The following THBS1 variants were observed in gnomAD, a reference collection of about 807,000 sequenced individuals.
THBS1 encodes the protein thrombospondin-1.
A neutral mutation model predicts 126.1 loss-of-function variants in THBS1; 29 were observed. That is an observed-to-expected ratio of 0.23 (90% CI 0.17 to 0.31). The LOEUF (loss-of-function observed/expected upper bound fraction) is 0.31. THBS1 is among the 10% of genes least tolerant of loss of function. The probability of loss-of-function intolerance (pLI) is 1.00; values close to 1 mark genes in which losing one functional copy is unlikely to be tolerated. For missense variants in THBS1, 1,198 were observed against 1,545.2 expected, an observed-to-expected ratio of 0.78 and a Z score of 3.77; for synonymous variants, 496 against 577.8, an observed-to-expected ratio of 0.86 and a Z score of 2.03.
At chr15:39,590,911 A>G (rs973341840) in intron 14 of THBS1, 3 of 536,382 alleles carry the variant, frequency 5.6e-6, no homozygotes, top group Non-Finnish European at 9.8e-6. Context: ...CAAATGTCAC[A>G]TCGAAATTAC....
chr15:39,585,715 A>C, intron 7 of THBS1, 152 bp downstream of exon 7: 1 of 748,216 alleles, frequency 1.3e-6, no homozygotes, highest in Non-Finnish European at 2.2e-6. Context: ...CTGACAGCTT[A>C]TCTGCTGTAC....
At chr15:39,582,135 C>T in intron 2 of THBS1, 58 bp from the exon 3 acceptor site, 3 of 1,525,304 alleles carry the variant, frequency 2.0e-6, no homozygotes, top group Non-Finnish European at 2.7e-6. Context: ...AAGGACTCAG[C>T]CCCCTACTGC....
At position 39,590,065 on chromosome 15, in the gene THBS1, T is replaced by A. The variant is rs1412636156; in HGVS notation, c.2145+42T>A. 3 of 1,478,538 alleles carry A rather than the reference T, an allele frequency of 2.0e-6. No homozygotes were observed. In the African/African-American group the frequency reaches 4.2e-5, roughly 21 times the overall value. The allele number at this position is 1,478,538 out of a possible 1,614,324, so 91.6% of individuals were successfully genotyped here. The stretch of plus-strand genomic sequence containing the variant: ...TGTGTGCCTCCAGAAAGAGGGCCCA[T>A]CACCTTATCAAAACACAGGCTAAGG... On this transcript the variant is annotated intron_variant, in intron 13 of 21. Coordinates refer to ENST00000260356, the MANE Select transcript of THBS1 (RefSeq NM_003246.4).
At chr15:39,585,294 G>A (rs1176125644) in intron 6 of THBS1, among the ~76,000 whole-genome samples, 176 bp from the exon 7 acceptor site, 1 of 152,184 alleles carries the variant, frequency 6.6e-6, no homozygotes, top group African/African-American at 2.4e-5. Flanking sequence ...CACTAGAACT[G>A]TCTCTACGAT....
chr15:39,593,895 A>T lies in THBS1; in HGVS notation c.3268-204A>T. The T allele has an allele frequency of 5.6e-6, 5 of 886,556 alleles. No homozygotes were observed. Among genetic ancestry groups the T allele is most frequent in the South Asian group, 3.7e-5 (2 of 54,388 alleles). 54.9% of individuals were successfully genotyped at this position (886,556 alleles called of 1,614,324 possible). A position where few individuals can be genotyped will look rare whatever the true frequency, so the allele number is the denominator to read the frequency against. On this transcript the variant is annotated intron_variant, in intron 19 of 21. Coordinates refer to ENST00000260356, the MANE Select transcript of THBS1 (RefSeq NM_003246.4). The surrounding 1 kb of genome is among the most constrained non-coding windows in gnomAD (Gnocchi z 5.9). Reference sequence around the variant, plus strand: ...GTGCCTTCAGCCTTTTCAAACAAAAAAACCTCCTTCCCTCCTCTCTGTCTG... The same window carrying T: ...GTGCCTTCAGCCTTTTCAAACAAAATAACCTCCTTCCCTCCTCTCTGTCTG...
Position 39,588,709 on chromosome 15 carries a change from G to C in THBS1, c.1645+10G>C. ...CAGGACTGTCCAATTGGTGAGCCAC[G>C]CAGCCCAGGATGAAACGACCCAGGA... is the stretch of plus-strand genomic sequence containing the variant. On this transcript the variant is annotated intron_variant, in intron 10 of 21. Transcript: ENST00000260356. 1 of 1,562,512 alleles carries C rather than the reference G, an allele frequency of 6.4e-7. No individual in the cohort carries two copies. The highest frequency in any genetic ancestry group is 1.2e-5 in the South Asian group (1 of 81,466).
rs1411250666 is a variant in THBS1 at position 39,593,025 on chromosome 15, A to G, written c.2793A>G (p.Lys931=). 1 of 1,613,190 alleles carries G rather than the reference A, an allele frequency of 6.2e-7. No individual in the cohort carries two copies. The highest frequency in any genetic ancestry group is 2.2e-5 in the East Asian group (1 of 44,884). Residue 931 remains lysine (K), a synonymous_variant, in exon 18 of 22, where the codon AAA becomes AAG. Transcript: ENST00000260356. This position sits in a 1 kb window ranked among gnomAD's most constrained non-coding sequence, Gnocchi z 5.9. ...GCGATGGTCGAGGTGATGCCTGCAA[A>G]GATGATTTTGACCATGACAGTGTGC... ...SDGDGRGDAC[K]DDFDHDSVPD... is the part of the protein sequence containing the mutation.
chr15:39,590,367 T>G, intron 13 of THBS1, 149 bp from the exon 14 acceptor site: 4 of 644,914 alleles, frequency 6.2e-6, no homozygotes, highest in Non-Finnish European at 7.9e-6. Context: ...AGAAAAGTTT[T>G]ATTTTCTTGT....
chr15:39,588,967 C>T lies in THBS1; in HGVS notation c.1654C>T (p.Leu552=), dbSNP rs1254972085. 7.6e-5 allele frequency: 122 copies of T among 1,614,050 alleles called. No homozygotes were observed. The highest frequency in any genetic ancestry group is 1.0e-4 in the Non-Finnish European group (120 of 1,180,038). The change falls in exon 11 of 22, where the codon CTG becomes TTG. Residue 552 remains leucine, a synonymous_variant. Transcript: ENST00000260356. The part of the protein sequence containing the change: ...NKQDCPIDGC[L]SNPCFAGVKC... The stretch of plus-strand genomic sequence containing the variant: ...CTCTCTCCTTGTCTCAGATGGATGC[C>T]TGTCCAATCCCTGCTTTGCCGGCGT...
intron 10 of THBS1, 22 bp downstream of exon 10, chr15:39,588,721 G>A: frequency 6.4e-7 from 1 of 1,554,642 alleles, no homozygotes; most frequent in Middle Eastern, 2.0e-4. Context: ...AGCCCAGGAT[G>A]AAACGACCCA....
rs1422586909 is a variant in THBS1 at position 39,589,671 on chromosome 15, G to A, written c.1927-134G>A. 1 of 1,001,038 alleles carries A rather than the reference G, an allele frequency of 1.0e-6. No individual in the cohort carries two copies. The highest frequency in any genetic ancestry group is 1.4e-6 in the Non-Finnish European group (1 of 706,434). 62.0% of individuals were successfully genotyped at this position (1,001,038 alleles called of 1,614,324 possible). The stretch of plus-strand genomic sequence containing the variant: ...CTTATAGCCTCAGGGAGAATGGGGA[G>A]GGACAGAGGTAACCCACACTCTTCC... On this transcript the variant is annotated intron_variant, in intron 12 of 21. Transcript: ENST00000260356. The surrounding 1 kb of genome is among the most constrained non-coding windows in gnomAD (Gnocchi z 4.7).
Position 39,596,117 on chromosome 15 carries a change from A to G in THBS1, c.*748A>G, listed in dbSNP as rs1890437467. On this transcript the variant is annotated 3_prime_UTR_variant, in exon 22 of 22. Transcript: ENST00000260356. ...CCAGTGTAAGGCAGTGCTGGCTGCC[A>G]TTGCCTGGTCACATTGAAATTGGTG... 6.6e-6 allele frequency: 2 copies of G among 304,032 alleles called. No individual in the cohort carries two copies. The highest frequency in any genetic ancestry group is 1.3e-5 in the Non-Finnish European group (2 of 153,630). The allele number at this position is 304,032 out of a possible 1,614,324, so 18.8% of individuals were successfully genotyped here.
At chr15:39,588,774 G>C in intron 10 of THBS1, 75 bp downstream of exon 10, 1 of 1,555,782 alleles carries the variant, frequency 6.4e-7, no homozygotes, top group Non-Finnish European at 8.7e-7. Context: ...AGCATTCGAG[G>C]AGATTCCAGC....
Position 39,591,226 on chromosome 15 carries a change from T to C in THBS1, c.2289T>C (p.Tyr763=), listed in dbSNP as rs771076290. 3.5e-5 allele frequency: 57 copies of C among 1,614,104 alleles called. No homozygotes were observed. In the Admixed American group the frequency reaches 9.2e-4, roughly 26 times the overall value. Residue 763 remains tyrosine, a synonymous_variant, in exon 15 of 22, where the codon TAT becomes TAC. Coordinates refer to ENST00000260356, the MANE Select transcript of THBS1 (RefSeq NM_003246.4). ...NCPFHYNPAQ[Y]DYDRDDVGDR... Reference sequence around the variant, plus strand: ...CATTCCATTACAACCCAGCTCAGTATGACTATGACAGAGATGATGTGGGAG... The same window carrying C: ...CATTCCATTACAACCCAGCTCAGTACGACTATGACAGAGATGATGTGGGAG...
chr15:39,586,646 G>C (rs965639169), intron 7 of THBS1: 1 of 152,224 alleles, frequency 6.6e-6, no homozygotes, highest in Non-Finnish European at 1.5e-5. Flanking sequence ...CAGCTCGGCT[G>C]CCTTCACACT....
Position 39,589,729 on chromosome 15 carries a change from G to A in THBS1, c.1927-76G>A. ...GCCTCTGTCTACTCAGAGATGACAG[G>A]GATCTGGATTCTTGTTTCCATGATA... On this transcript the variant is annotated intron_variant, in intron 12 of 21. Coordinates refer to ENST00000260356, the MANE Select transcript of THBS1 (RefSeq NM_003246.4). The surrounding 1 kb of genome is among the most constrained non-coding windows in gnomAD (Gnocchi z 4.7). 2 of 1,422,518 alleles carry A rather than the reference G, an allele frequency of 1.4e-6. No individual in the cohort carries two copies. The highest frequency in any genetic ancestry group is 1.5e-5 in the South Asian group (1 of 68,682). 88.1% of individuals were successfully genotyped at this position (1,422,518 alleles called of 1,614,324 possible).
At position 39,592,466 on chromosome 15, in the gene THBS1, G is replaced by A. The variant is rs45461294; in HGVS notation, c.2533-102G>A. 0.15 allele frequency: 136,353 copies of A among 899,178 alleles called. 11,345 individuals carry two copies. Among genetic ancestry groups the A allele is most frequent in the African/African-American group, 0.21 (12,572 of 59,996 alleles). The allele number at this position is 899,178 out of a possible 1,614,324, so 55.7% of individuals were successfully genotyped here. On this transcript the variant is annotated intron_variant, in intron 16 of 21. Transcript: ENST00000260356. The surrounding 1 kb of genome is among the most constrained non-coding windows in gnomAD (Gnocchi z 4.3). The stretch of plus-strand genomic sequence containing the variant: ...AAATAGACATGACACCCCACTGGCT[G>A]TATCAAACAATGGAGAATTTTCCCT...
At position 39,584,347 on chromosome 15, in the gene THBS1, A is replaced by G. The variant is rs765062213; in HGVS notation, c.951A>G (p.Leu317=). 2.8e-5 allele frequency: 45 copies of G among 1,614,108 alleles called. No homozygotes were observed. Among genetic ancestry groups the G allele is most frequent in the Non-Finnish European group, 3.7e-5 (44 of 1,180,044 alleles). Residue 317 remains leucine, a synonymous_variant, in exon 6 of 22, where the codon CTA becomes CTG. Coordinates refer to ENST00000260356, the MANE Select transcript of THBS1 (RefSeq NM_003246.4). ...CCAATGAGCTGAGGCGGCCTCCCCTATGCTATCACAACGGAGTTCAGTACA... is the reference window on the plus strand; with the variant it reads ...CCAATGAGCTGAGGCGGCCTCCCCTGTGCTATCACAACGGAGTTCAGTACA... ...ELANELRRPP[L]CYHNGVQYRN... is the part of the protein sequence containing the mutation.
Position 39,582,708 on chromosome 15 carries a change from G to A in THBS1, c.583G>A (p.Ala195Thr), listed in dbSNP as rs145686223. 544 of 1,613,096 alleles carry A rather than the reference G, an allele frequency of 3.4e-4. No homozygotes were observed. Among genetic ancestry groups the A allele is most frequent in the Non-Finnish European group, 7.7e-5 (91 of 1,179,982 alleles). The part of the protein sequence containing the change: ...SVFTRDLASI[A>T]RLRIAKGGVN... ...CTTCACCAGAGACCTGGCCAGCATC[G>A]CCAGACTCCGCATCGCAAAGGGGGG... Residue 195 changes from alanine (A) to threonine (T), a missense_variant, in exon 3 of 22, where the codon GCC (alanine) becomes ACC (threonine). Ala to Thr is a moderately conservative substitution (Grantham distance 58, BLOSUM62 0). Transcript: ENST00000260356.
Sources: allele counts gnomAD v4.1 joint callset (sites outside exome capture counted in the v4.1 genomes callset), GRCh38; gene constraint gnomAD v4.1.1; non-coding constraint Gnocchi (gnomAD v3.1); transcripts MANE v1.5; gene names NCBI Gene and HGNC (gene_info 2026-07-23, HGNC 2026-07-21).